Variants in LRMDA observed in about 807,000 individuals in gnomAD.
The protein encoded by LRMDA is leucine-rich melanocyte differentiation-associated protein.
In LRMDA, 18 loss-of-function variants were observed where a neutral mutation model predicts 29.8. The observed-to-expected ratio is 0.60, with a 90% confidence interval of 0.42 to 0.90. The LOEUF (loss-of-function observed/expected upper bound fraction) is 0.90. Among genes scored for constraint, LRMDA ranks in the 40% least tolerant of loss-of-function variants. The probability of loss-of-function intolerance (pLI) is 0.00; values close to 1 mark genes in which losing one functional copy is unlikely to be tolerated. For missense variants in LRMDA, 273 were observed against 273.9 expected (o/e 1.00, Z 0.02); for synonymous variants, 125 against 109.4 (o/e 1.14, Z -0.89).
chr10:75,927,453 TCTC>T (rs370435012), intron 2 of LRMDA, among the ~76,000 whole-genome samples: 35 of 152,272 alleles, frequency 2.3e-4, no homozygotes, highest in African/African-American at 7.0e-4. Flanking sequence ...CTCTTCCTCT[TCTC>T]CTCACTTCTT....
intron 2 of LRMDA, among the ~76,000 whole-genome samples, chr10:75,782,296 GGT>G (rs368527849): frequency 6.6e-6 from 1 of 151,716 alleles, no homozygotes; most frequent in African/African-American, 2.4e-5. Context: ...TGTGTGTGGG[GGT>G]GTGTGTGTGT....
At chr10:76,434,064 G>A (rs1842218820) in intron 6 of LRMDA, among the ~76,000 whole-genome samples, 1 of 151,850 alleles carries the variant, frequency 6.6e-6, no homozygotes, top group African/African-American at 2.4e-5. Context: ...AATCCAAAAG[G>A]GTTAGTAACA....
At chr10:75,772,187 A>G (rs546890518) in intron 2 of LRMDA, among the ~76,000 whole-genome samples, 3 of 152,302 alleles carry the variant, frequency 2.0e-5, no homozygotes, top group Non-Finnish European at 2.9e-5. Flanking sequence ...CTGGCACCAT[A>G]TATCTTTTAC....
intron 2 of LRMDA, chr10:75,450,560 C>G (rs925055404): frequency 1.3e-5 from 2 of 152,306 alleles, no homozygotes; most frequent in Non-Finnish European, 2.9e-5. Context: ...TGTTAACCCC[C>G]ACACGGCCCG....
intron 5 of LRMDA, among the ~76,000 whole-genome samples, chr10:76,246,616 A>G (rs369879005): frequency 3.3e-5 from 5 of 152,218 alleles, no homozygotes; most frequent in Non-Finnish European, 5.9e-5. Flanking sequence ...TAGGTCCTGC[A>G]ACCTTTCTTG....
intron 2 of LRMDA, among the ~76,000 whole-genome samples, chr10:75,822,787 T>C (rs1258752370): frequency 6.6e-6 from 1 of 152,080 alleles, no homozygotes; most frequent in Non-Finnish European, 1.5e-5. Flanking sequence ...AGTGCACTGG[T>C]GAGAGCTCAA....
chr10:76,291,393 A>T (rs1356072887), intron 5 of LRMDA, among the ~76,000 whole-genome samples: 1 of 152,202 alleles, frequency 6.6e-6, no homozygotes, highest in East Asian at 1.9e-4. Flanking sequence ...TCTTCTAATG[A>T]CTGAAATGTT....
Position 76,029,298 on chromosome 10 carries a change from A to G in LRMDA, c.132-6710A>G, listed in dbSNP as rs570211313. 7.2e-5 allele frequency among the ~76,000 whole-genome samples: 11 copies of G among 152,326 alleles called. No individual in the cohort carries two copies. The South Asian group carries it at 2.3e-3, about 32-fold the overall frequency. On this transcript the variant is annotated intron_variant, in intron 2 of 6. Coordinates refer to ENST00000611255, the MANE Select transcript of LRMDA (RefSeq NM_001305581.2). ...GAAAGGTTTGGGCTAGCTTATTAGA[A>G]TGAATAAAATTAAAAAGCAGTATAT...
intron 6 of LRMDA, among the ~76,000 whole-genome samples, chr10:76,365,870 T>C (rs1177950919): frequency 1.3e-5 from 2 of 152,246 alleles, no homozygotes; most frequent in East Asian, 3.8e-4. Context: ...AGAATTTTTA[T>C]AGTTTCAGGT....
At chr10:75,758,891 G>A (rs1265834330) in intron 2 of LRMDA, among the ~76,000 whole-genome samples, 1 of 151,534 alleles carries the variant, frequency 6.6e-6, no homozygotes, top group Non-Finnish European at 1.5e-5. Flanking sequence ...GGACTCTATT[G>A]AATTAAGATT....
chr10:76,128,973 A>G (rs1392476750), intron 5 of LRMDA, among the ~76,000 whole-genome samples: 1 of 152,236 alleles, frequency 6.6e-6, no homozygotes, highest in Admixed American at 6.5e-5. Flanking sequence ...TCCTAAGTAA[A>G]ATAAACCCTC....
intron 2 of LRMDA, among the ~76,000 whole-genome samples, chr10:75,783,925 C>T (rs181965594): frequency 6.6e-6 from 1 of 152,318 alleles, no homozygotes; most frequent in Non-Finnish European, 1.5e-5. Context: ...TCTGTATTTA[C>T]TGGAATATCT....
intron 6 of LRMDA, among the ~76,000 whole-genome samples, chr10:76,553,140 C>T (rs1205166843): frequency 6.6e-6 from 1 of 152,176 alleles, no homozygotes; most frequent in Non-Finnish European, 1.5e-5. Flanking sequence ...AGAGAATTCC[C>T]CAGGGGATGT....
intron 6 of LRMDA, among the ~76,000 whole-genome samples, chr10:76,481,190 C>T (rs569699397): frequency 3.3e-5 from 5 of 151,992 alleles, no homozygotes; most frequent in African/African-American, 9.6e-5. Flanking sequence ...ATAAAGCTTA[C>T]GTATATTTTC....
intron 2 of LRMDA, among the ~76,000 whole-genome samples, chr10:75,826,401 G>C (rs1036774985): frequency 5.9e-5 from 9 of 152,028 alleles, no homozygotes; most frequent in African/African-American, 2.2e-4. Context: ...TGCAACTGCT[G>C]TTTTCTTTTT....
intron 2 of LRMDA, among the ~76,000 whole-genome samples, chr10:75,468,838 A>G (rs1844689684): frequency 6.6e-6 from 1 of 152,034 alleles, no homozygotes; most frequent in Non-Finnish European, 1.5e-5. Flanking sequence ...CTTCGTTCTG[A>G]TTAATGGCAC....
At chr10:76,316,438 C>T (rs543270637) in intron 5 of LRMDA, among the ~76,000 whole-genome samples, 2 of 152,336 alleles carry the variant, frequency 1.3e-5, no homozygotes, top group Admixed American at 6.5e-5. Flanking sequence ...CCACTCCATG[C>T]CTGGCTCACC....
intron 2 of LRMDA, among the ~76,000 whole-genome samples, chr10:75,814,483 A>T (rs1389033688): frequency 2.0e-5 from 3 of 152,208 alleles, no homozygotes; most frequent in African/African-American, 4.8e-5. Flanking sequence ...CAGCCTTATC[A>T]GCATGTTATT....
At chr10:76,225,958 C>G (rs1287247277) in intron 5 of LRMDA, among the ~76,000 whole-genome samples, 1 of 146,554 alleles carries the variant, frequency 6.8e-6, no homozygotes, top group Non-Finnish European at 1.5e-5. Context: ...TTCCCGCCTA[C>G]GAATGAGAAC....
Sources: allele counts gnomAD v4.1 joint callset (sites outside exome capture counted in the v4.1 genomes callset), GRCh38; gene constraint gnomAD v4.1.1; transcripts MANE v1.5; gene names NCBI Gene and HGNC (gene_info 2026-07-23, HGNC 2026-07-21).